The following MCTP1 variants were observed in gnomAD, a reference collection of about 807,000 sequenced individuals.
MCTP1 encodes multiple C2 and transmembrane domain-containing protein 1.
MCTP1 carries 69 observed loss-of-function variants against 120.6 expected under a neutral mutation model. That is an observed-to-expected ratio of 0.57 (90% CI 0.47 to 0.70). MCTP1 has a LOEUF of 0.70. Ranked by LOEUF, MCTP1 falls within the 30% of genes least tolerant of loss-of-function variation. The pLI is 0.00. For missense variants in MCTP1, 1,203 were observed against 1,248.8 expected (o/e 0.96, Z 0.55); for synonymous variants, 529 against 493.1 (o/e 1.07, Z -0.96).
At chr5:94,847,702 ATATG>A (rs1561741546) in intron 17 of MCTP1, among the ~76,000 whole-genome samples, 1 of 148,612 alleles carries the variant, frequency 6.7e-6, no homozygotes, top group Non-Finnish European at 1.5e-5. Context: ...ATATATATAT[ATATG>A]TATGTTGGGG....
At chr5:94,937,597 G>A (rs1405775340) in intron 5 of MCTP1, among the ~76,000 whole-genome samples, 1 of 151,950 alleles carries the variant, frequency 6.6e-6, no homozygotes, top group Admixed American at 6.6e-5. Flanking sequence ...AAATAAGTTT[G>A]AGCAACCATG....
chr5:94,765,037 T>C (rs1180686280), intron 19 of MCTP1, among the ~76,000 whole-genome samples: 1 of 152,046 alleles, frequency 6.6e-6, no homozygotes, highest in Non-Finnish European at 1.5e-5. Flanking sequence ...TCTGAAACCA[T>C]ATGAAGTATC....
rs1841195939 is a variant in MCTP1 at position 95,035,814 on chromosome 5, CCTG to C, written c.721-18333_721-18331del. Among the ~76,000 whole-genome samples the C allele has an allele frequency of 3.3e-5, 5 of 152,046 alleles. No individual in the cohort carries two copies. In the South Asian group the frequency reaches 1.0e-3, roughly 32 times the overall value. On this transcript the variant is annotated intron_variant, in intron 1 of 22. Coordinates refer to ENST00000515393, the MANE Select transcript of MCTP1 (RefSeq NM_024717.7). ...TGAGTGATTTACAAAGTAGGTTCTTCCTGCTTTTTTCAAATCATATATTATGCA... is the reference window on the plus strand; with the variant it reads ...TGAGTGATTTACAAAGTAGGTTCTTCCTTTTTTCAAATCATATATTATGCA...
chr5:94,936,088 G>T (rs746155996), intron 5 of MCTP1, among the ~76,000 whole-genome samples: 2 of 151,876 alleles, frequency 1.3e-5, no homozygotes, highest in African/African-American at 4.8e-5. Flanking sequence ...GTCATCATTC[G>T]AATTCCATGG....
chr5:95,035,367 T>A (rs923931303), intron 1 of MCTP1, among the ~76,000 whole-genome samples: 1 of 152,008 alleles, frequency 6.6e-6, no homozygotes, highest in Non-Finnish European at 1.5e-5. Context: ...GTACATATAT[T>A]ACATGGAATA....
At chr5:94,866,463 G>A (rs899137373) in intron 17 of MCTP1, among the ~76,000 whole-genome samples, 9 of 151,116 alleles carry the variant, frequency 6.0e-5, no homozygotes, top group Middle Eastern at 6.4e-3. Context: ...CTCTTACTCT[G>A]TTTTCACATT....
At chr5:94,934,743 T>TC (rs1240433172) in intron 5 of MCTP1, among the ~76,000 whole-genome samples, 1 of 151,036 alleles carries the variant, frequency 6.6e-6, no homozygotes, top group Non-Finnish European at 1.5e-5. Flanking sequence ...AGAAGTTTTT[T>TC]TTTTTTTTTT....
chr5:94,878,195 T>C (rs528352940), intron 12 of MCTP1, among the ~76,000 whole-genome samples: 1 of 152,180 alleles, frequency 6.6e-6, no homozygotes, highest in South Asian at 2.1e-4. Flanking sequence ...AATAATGTTA[T>C]AGTTGAGGGA....
At chr5:95,114,950 A>C (rs889476968) in intron 1 of MCTP1, among the ~76,000 whole-genome samples, 2 of 152,224 alleles carry the variant, frequency 1.3e-5, no homozygotes, top group African/African-American at 4.8e-5. Context: ...AACTGTTTGG[A>C]GAAAGTAAGG....
intron 1 of MCTP1, among the ~76,000 whole-genome samples, chr5:95,148,276 T>C (rs1760594903): frequency 6.6e-6 from 1 of 151,236 alleles, no homozygotes; most frequent in Non-Finnish European, 1.5e-5. Flanking sequence ...ATAATTTTCA[T>C]GAACTACATC....
intron 7 of MCTP1, 38 bp from the exon 8 acceptor site, chr5:94,918,011 C>T (rs762400638): frequency 6.6e-7 from 1 of 1,517,454 alleles, no homozygotes. Flanking sequence ...TACGGGGAAG[C>T]TTTGTACCAT....
chr5:95,060,350 G>A (rs72779406), intron 1 of MCTP1, among the ~76,000 whole-genome samples: 8,283 of 152,158 alleles, frequency 0.054, 305 homozygotes, highest in Middle Eastern at 0.061. Context: ...GTTAGAACCC[G>A]GCACACTTTT....
chr5:95,129,487 C>T (rs994004510), intron 1 of MCTP1, among the ~76,000 whole-genome samples: 2 of 152,210 alleles, frequency 1.3e-5, no homozygotes, highest in Non-Finnish European at 2.9e-5. Context: ...GTCAACTTGA[C>T]AGGGCTAACG....
At position 94,954,001 on chromosome 5, in the gene MCTP1, CATATATATACAAATATATATGCAT is replaced by C. The variant is rs1561917407; in HGVS notation, c.839-664_839-641del. ...GCATATATATACAAATATATATATG[CATATATATACAAATATATATGCAT>C]ATATATACAAATATATATATGCATA... On this transcript the variant is annotated intron_variant, in intron 2 of 22. Transcript: ENST00000515393. Among the ~76,000 whole-genome samples the C allele has an allele frequency of 1.4e-3, 56 of 39,050 alleles. 3 individuals carry two copies. Among genetic ancestry groups the C allele is most frequent in the Admixed American group, 2.6e-3 (7 of 2,716 alleles). 25.6% of individuals were successfully genotyped at this position (39,050 alleles called of 152,430 possible). A position where few individuals can be genotyped will look rare whatever the true frequency, so the allele number is the denominator to read the frequency against.
chr5:95,166,397 A>C (rs1281643699), intron 1 of MCTP1, among the ~76,000 whole-genome samples: 1 of 152,178 alleles, frequency 6.6e-6, no homozygotes, highest in African/African-American at 2.4e-5. Context: ...TGTATGTTTC[A>C]TAAAACCACT....
At chr5:95,270,265 T>C (rs1582704145) in intron 1 of MCTP1, among the ~76,000 whole-genome samples, 1 of 152,334 alleles carries the variant, frequency 6.6e-6, no homozygotes, top group South Asian at 2.1e-4. Flanking sequence ...AGGCACAGAC[T>C]CTGGTGACAT....
At chr5:95,275,546 C>T (rs1472691293) in intron 1 of MCTP1, among the ~76,000 whole-genome samples, 1 of 152,188 alleles carries the variant, frequency 6.6e-6, no homozygotes, top group South Asian at 2.1e-4. Flanking sequence ...GTATGAGACA[C>T]ATATGTAATT....
rs1277832116 is a variant in MCTP1 at position 94,772,380 on chromosome 5, T to A, written c.2610+6730A>T. 3.9e-5 allele frequency among the ~76,000 whole-genome samples: 6 copies of A among 152,238 alleles called. No homozygotes were observed. The East Asian group carries it at 9.7e-4, about 25-fold the overall frequency. On this transcript the variant is annotated intron_variant, in intron 19 of 22. Coordinates refer to ENST00000515393, the MANE Select transcript of MCTP1 (RefSeq NM_024717.7). ...AAGCTCTTCCTTCTTGCCATAAAGG[T>A]CCTGAGGCTTGATCTTGGCCATGGC... is the stretch of plus-strand genomic sequence containing the variant.
chr5:95,096,250 C>T (rs746383884), intron 1 of MCTP1, among the ~76,000 whole-genome samples: 1 of 152,178 alleles, frequency 6.6e-6, no homozygotes, highest in Non-Finnish European at 1.5e-5. Context: ...TCAACAGCCT[C>T]CTTAAGAGGA....
Sources: gnomAD v4.1 joint callset for allele counts (sites outside exome capture counted in the v4.1 genomes callset) on GRCh38, gnomAD v4.1.1 for gene constraint, MANE v1.5 for transcripts, NCBI Gene and HGNC (gene_info 2026-07-23, HGNC 2026-07-21) for gene names.